The following EIPR1 variants were observed in gnomAD, a reference collection of about 807,000 sequenced individuals.
The protein encoded by EIPR1 is EARP and GARP complex-interacting protein 1.
In EIPR1, 25 loss-of-function variants were observed where a neutral mutation model predicts 48.1. That is an observed-to-expected ratio of 0.52 (90% CI 0.38 to 0.73). EIPR1 has a LOEUF of 0.73. Among genes scored for constraint, EIPR1 ranks in the 30% least tolerant of loss-of-function variants. EIPR1 has a pLI of 0.00. For synonymous variants in EIPR1, 204 were observed against 201.9 expected, an observed-to-expected ratio of 1.01 and a Z score of -0.09; for missense variants, 415 against 506.2, an observed-to-expected ratio of 0.82 and a Z score of 1.73.
rs749596690 is a variant in EIPR1, at chr2:3,209,049, G to A, written c.516+5100C>T. The A allele has an allele frequency of 1.9e-3, 2,765 of 1,438,330 alleles. 3 individuals are homozygous for A. The highest frequency in any genetic ancestry group is 2.3e-3 in the Non-Finnish European group (2,562 of 1,100,210). The allele number at this position is 1,438,330 out of a possible 1,614,324, so 89.1% of individuals were successfully genotyped here. ...GGCTGACCAGCACCATCTTTTCCGG[G>A]ACGCCTGCTGGTGGGAAGGCAGGGT... On this transcript the variant is annotated intron_variant, in intron 5 of 8. Transcript: ENST00000382125.
chr2:3,197,869 G>A (rs1355188914), intron 5 of EIPR1, among the ~76,000 whole-genome samples: 1 of 152,246 alleles, frequency 6.6e-6, no homozygotes, highest in Admixed American at 6.5e-5. Flanking sequence ...CCTCTGAGAG[G>A]AGCCTGAGGC....
At chr2:3,194,222 C>G (rs933510939) in intron 6 of EIPR1, 56 bp from the exon 7 acceptor site, 53 of 1,593,944 alleles carry the variant, frequency 3.3e-5, no homozygotes, top group Non-Finnish European at 4.5e-5. Context: ...GGAAAAGCCA[C>G]TGCGTGCTGC....
chr2:3,373,252 T>G (rs573571982), intron 1 of EIPR1, among the ~76,000 whole-genome samples: 22 of 151,728 alleles, frequency 1.4e-4, no homozygotes, highest in Admixed American at 5.9e-4. Flanking sequence ...GAGCTATCTA[T>G]GACAAACCCA....
intron 3 of EIPR1, among the ~76,000 whole-genome samples, chr2:3,296,349 CTA>C (rs1668594512): frequency 1.6e-5 from 2 of 125,722 alleles, no homozygotes; most frequent in East Asian, 2.8e-4. Context: ...CGTTCTCTCT[CTA>C]CACACACACA....
intron 4 of EIPR1, among the ~76,000 whole-genome samples, chr2:3,249,555 A>C (rs2103205269): frequency 6.6e-6 from 1 of 152,362 alleles, no homozygotes; most frequent in Non-Finnish European, 1.5e-5. Flanking sequence ...TGTAGAAAAG[A>C]AGCAAAGAGG....
intron 3 of EIPR1, chr2:3,261,665 G>A (rs1667339616): frequency 6.6e-6 from 1 of 152,280 alleles, no homozygotes; most frequent in African/African-American, 2.4e-5. Context: ...CCCGAGTGGG[G>A]CATGGGGATG....
intron 2 of EIPR1, among the ~76,000 whole-genome samples, chr2:3,349,577 G>T (rs533629112): frequency 6.6e-6 from 1 of 150,620 alleles, no homozygotes; most frequent in Non-Finnish European, 1.5e-5. Flanking sequence ...CAGGGACAGG[G>T]ACAGGGAGCA....
intron 8 of EIPR1, among the ~76,000 whole-genome samples, chr2:3,190,380 C>T (rs1664563589): frequency 6.6e-6 from 1 of 152,180 alleles, no homozygotes; most frequent in Admixed American, 6.5e-5. Context: ...CAAGACGGAC[C>T]CTCCAGAACT....
intron 3 of EIPR1, among the ~76,000 whole-genome samples, chr2:3,330,825 C>T (rs1669868636): frequency 2.0e-5 from 3 of 148,744 alleles, no homozygotes; most frequent in East Asian, 2.0e-4. Flanking sequence ...GGCACGTGTA[C>T]ACTCGAGATG....
intron 4 of EIPR1, among the ~76,000 whole-genome samples, chr2:3,220,682 A>G (rs1426325059): frequency 2.0e-5 from 3 of 151,940 alleles, no homozygotes; most frequent in African/African-American, 4.8e-5. Flanking sequence ...ACAGTGACTC[A>G]GGAACACAAG....
At position 3,219,105 on chromosome 2, in the gene EIPR1, T is replaced by C. The variant is rs201047021; in HGVS notation, c.417-4857A>G. Among the ~76,000 whole-genome samples, 21 of 141,426 alleles carry C rather than the reference T, an allele frequency of 1.5e-4. No individual in the cohort carries two copies. The East Asian group carries it at 4.7e-3, about 31-fold the overall frequency. 92.8% of individuals were successfully genotyped at this position (141,426 alleles called of 152,430 possible). On this transcript the variant is annotated intron_variant, in intron 4 of 8. Transcript: ENST00000382125. ...TCTAGAGCATTCACAGTGACTCAGG[T>C]GCACACCCAGCATGGCCCTGGTATA...
At chr2:3,260,512 AGGGAGGG>A (rs779596323) in intron 3 of EIPR1, among the ~76,000 whole-genome samples, 74,017 of 116,386 alleles carry the variant, frequency 0.64, 21,969 homozygotes, top group East Asian at 0.81. Flanking sequence ...GAAGGAAGGG[AGGGAGGG>A]AGGGAGGGAG....
Position 3,241,208 on chromosome 2 carries a change from T to C in EIPR1, c.416+16091A>G, listed in dbSNP as rs527848886. On this transcript the variant is annotated intron_variant, in intron 4 of 8. Transcript: ENST00000382125. The stretch of plus-strand genomic sequence containing the variant: ...TCCCTCCTAAAGCAAAGCCAGCTGG[T>C]ACCTCCTAAAACAAAGCATTTTGAA... Among the ~76,000 whole-genome samples the C allele has an allele frequency of 3.3e-5, 5 of 152,354 alleles. No homozygotes were observed. The South Asian group carries it at 1.0e-3, about 32-fold the overall frequency.
At chr2:3,218,546 C>A (rs748057139) in intron 4 of EIPR1, among the ~76,000 whole-genome samples, 12 of 145,874 alleles carry the variant, frequency 8.2e-5, no homozygotes, top group African/African-American at 2.8e-4. Context: ...ACACTCAACA[C>A]GACCCTGGTA....
intron 1 of EIPR1, among the ~76,000 whole-genome samples, chr2:3,364,633 T>C (rs558391663): frequency 1.3e-5 from 2 of 150,410 alleles, no homozygotes; most frequent in Admixed American, 1.3e-4. Flanking sequence ...AGACCCTCCC[T>C]GTCTCAAAAA....
chr2:3,278,566 T>C (rs1423366517), intron 3 of EIPR1, among the ~76,000 whole-genome samples: 1 of 152,098 alleles, frequency 6.6e-6, no homozygotes, highest in Admixed American at 6.5e-5. Flanking sequence ...GCTCACCCTC[T>C]TCCTTCCTCA....
chr2:3,299,807 GTAGA>G (rs1424901552), intron 3 of EIPR1, among the ~76,000 whole-genome samples: 1 of 152,160 alleles, frequency 6.6e-6, no homozygotes, highest in Non-Finnish European at 1.5e-5. Flanking sequence ...TTGACAGTCT[GTAGA>G]AAGCTTGGTT....
Position 3,192,557 on chromosome 2 carries a change from G to C in EIPR1, c.846C>G (p.His282Gln). 1 of 1,612,378 alleles carries C rather than the reference G, an allele frequency of 6.2e-7. No homozygotes were observed. The highest frequency in any genetic ancestry group is 8.5e-7 in the Non-Finnish European group (1 of 1,179,688). Residue 282 changes from histidine to glutamine, a missense_variant, in exon 8 of 9, where the codon CAC (histidine) becomes CAG (glutamine). Physicochemically the swap from His to Gln is conservative, Grantham distance 24 (BLOSUM62 0). Transcript: ENST00000382125. ...SHWVWNVRYN[H>Q]SHDQLVLTGS... ...CCGTGAGGACCAGCTGGTCATGAGA[G>C]TGGTTGTAGCGGACGTTCCACACCC... is the stretch of plus-strand genomic sequence containing the variant.
chr2:3,260,149 T>G (rs955359024), intron 3 of EIPR1, among the ~76,000 whole-genome samples: 1 of 152,162 alleles, frequency 6.6e-6, no homozygotes, highest in East Asian at 1.9e-4. Context: ...ATTTAAAACT[T>G]CTTTAAAATC....
Sources: allele counts gnomAD v4.1 joint callset (sites outside exome capture counted in the v4.1 genomes callset), GRCh38; gene constraint gnomAD v4.1.1; transcripts MANE v1.5; gene names NCBI Gene and HGNC (gene_info 2026-07-23, HGNC 2026-07-21).